ZEB2: variants seen among roughly 807,000 people sequenced by gnomAD.
ZEB2 encodes the protein zinc finger E-box-binding homeobox 2.
ZEB2 carries 6 observed loss-of-function variants against 99.9 expected under a neutral mutation model. That is an observed-to-expected ratio of 0.06 (90% confidence interval 0.03 to 0.12). The LOEUF is 0.12. Among genes scored for constraint, ZEB2 ranks in the 10% least tolerant of loss-of-function variants. The pLI, the probability that ZEB2 is intolerant of heterozygous loss-of-function variation, is 1.00. For missense variants in ZEB2, 969 were observed against 1,502.8 expected, an observed-to-expected ratio of 0.64 and a Z score of 5.87; for synonymous variants, 517 against 542.5, an observed-to-expected ratio of 0.95 and a Z score of 0.65.
At chr2:144,390,313 T>C (rs1271000145) in intron 9 of ZEB2, among the ~76,000 whole-genome samples, 1 of 152,192 alleles carries the variant, frequency 6.6e-6, no homozygotes, top group African/African-American at 2.4e-5. Flanking sequence ...ATTGTCTCAT[T>C]TTAAAACTTG....
At chr2:144,427,272 G>A (rs896998455) in intron 3 of ZEB2, 1 of 152,230 alleles carries the variant, frequency 6.6e-6, no homozygotes, top group Admixed American at 6.5e-5. Flanking sequence ...CCCATTGTGG[G>A]ACGAAAGAAT....
rs10639317 is a variant in ZEB2, at chr2:144,515,797, T to TAGAGAG, written c.73+1475_73+1480dup. On this transcript the variant is annotated intron_variant, in intron 2 of 9. Coordinates refer to ENST00000627532, the MANE Select transcript of ZEB2 (RefSeq NM_014795.4). ...CACACGCGTACACACACACAAAACC[T>TAGAGAG]AGAGAGAGAGAGAGAGAGAGAGAAA... 2.5e-3 allele frequency among the ~76,000 whole-genome samples: 367 copies of TAGAGAG among 146,836 alleles called. 1 individual carries two copies. Among genetic ancestry groups the TAGAGAG allele is most frequent in the African/African-American group, 6.9e-3 (274 of 39,810 alleles).
At chr2:144,482,198 T>C (rs538276100) in intron 2 of ZEB2, 33 of 152,288 alleles carry the variant, frequency 2.2e-4, no homozygotes, top group African/African-American at 7.9e-4. Flanking sequence ...TCCAAATACA[T>C]CTTAAGGTTT....
At chr2:144,477,192 A>G (rs1019609881) in intron 2 of ZEB2, among the ~76,000 whole-genome samples, 3 of 152,218 alleles carry the variant, frequency 2.0e-5, no homozygotes, top group African/African-American at 7.2e-5. Context: ...GTGAGGCTGA[A>G]AAGTGCATGC....
At chr2:144,418,161 T>C (rs1355863092) in intron 4 of ZEB2, among the ~76,000 whole-genome samples, 1 of 152,198 alleles carries the variant, frequency 6.6e-6, no homozygotes, top group African/African-American at 2.4e-5. Context: ...TTCTTAACCT[T>C]CATATTTTAG....
intron 4 of ZEB2, among the ~76,000 whole-genome samples, chr2:144,406,321 A>G (rs1703386420): frequency 6.6e-6 from 1 of 152,238 alleles, no homozygotes; most frequent in African/African-American, 2.4e-5. Context: ...TTCTAGGCTC[A>G]TCCTTCGGGA....
intron 2 of ZEB2, among the ~76,000 whole-genome samples, chr2:144,478,075 C>A (rs1158576006): frequency 6.6e-6 from 1 of 152,162 alleles, no homozygotes; most frequent in Non-Finnish European, 1.5e-5. Context: ...CCACCTGAGA[C>A]AGATTGCGAC....
intron 4 of ZEB2, among the ~76,000 whole-genome samples, chr2:144,422,656 C>T (rs889799383): frequency 1.8e-4 from 28 of 152,140 alleles, no homozygotes; most frequent in Admixed American, 1.2e-3. Context: ...AAAAATTAGC[C>T]GGGCATGGTG....
At chr2:144,406,004 C>A (rs1352723941) in intron 4 of ZEB2, among the ~76,000 whole-genome samples, 1 of 152,146 alleles carries the variant, frequency 6.6e-6, no homozygotes. Context: ...TTTGCTGGTA[C>A]AATTAATGGT....
intron 2 of ZEB2, among the ~76,000 whole-genome samples, chr2:144,432,112 GA>G (rs1041127565): frequency 1.3e-5 from 2 of 151,678 alleles, no homozygotes; most frequent in African/African-American, 4.8e-5. Context: ...TTTTCTTGTG[GA>G]AAAAAAAGAG....
chr2:144,473,389 A>G (rs1422165916), intron 2 of ZEB2, among the ~76,000 whole-genome samples: 2 of 152,148 alleles, frequency 1.3e-5, no homozygotes, highest in Admixed American at 1.3e-4. Context: ...GAAGAGTGCT[A>G]TGTGGTCCTA....
At chr2:144,477,786 TGA>T (rs1456330250) in intron 2 of ZEB2, among the ~76,000 whole-genome samples, 2 of 152,136 alleles carry the variant, frequency 1.3e-5, no homozygotes, top group Non-Finnish European at 2.9e-5. Flanking sequence ...CCATGTAAAA[TGA>T]GAGAGACTTA....
At chr2:144,461,083 A>C (rs1704186812) in intron 2 of ZEB2, 1 of 123,310 alleles carries the variant, frequency 8.1e-6, no homozygotes, top group South Asian at 2.9e-4. Context: ...TGCTATAGTT[A>C]TTTTCTTTTC....
chr2:144,392,162 C>T lies in ZEB2; in HGVS notation c.3068-2134G>A, dbSNP rs1212535022. 3.3e-5 allele frequency among the ~76,000 whole-genome samples: 5 copies of T among 152,180 alleles called. No homozygotes were observed. In the East Asian group the frequency reaches 9.6e-4, roughly 29 times the overall value. On this transcript the variant is annotated intron_variant, in intron 9 of 9. Transcript: ENST00000627532. ...TATAGATGAAAATTTTCTTGATGCTCTAGTTGCTACGGCGTGTATGGGCAA... is the reference window on the plus strand; with the variant it reads ...TATAGATGAAAATTTTCTTGATGCTTTAGTTGCTACGGCGTGTATGGGCAA...
chr2:144,416,654 T>G (rs1020236375), intron 4 of ZEB2, among the ~76,000 whole-genome samples: 4 of 152,242 alleles, frequency 2.6e-5, no homozygotes, highest in African/African-American at 9.6e-5. Flanking sequence ...TTATTGTGGC[T>G]ATCATCTAAA....
At chr2:144,411,118 AT>A (rs2149882626) in intron 4 of ZEB2, among the ~76,000 whole-genome samples, 1 of 42,440 alleles carries the variant, frequency 2.4e-5, no homozygotes, top group African/African-American at 4.4e-5. Context: ...AGGGCATCTC[AT>A]ATATACACAC....
chr2:144,493,061 G>T (rs1704705160), intron 2 of ZEB2, among the ~76,000 whole-genome samples: 1 of 152,112 alleles, frequency 6.6e-6, no homozygotes, highest in Non-Finnish European at 1.5e-5. Context: ...ATAAGAAAAA[G>T]TACCATGTAT....
chr2:144,410,936 A>G (rs892746145), intron 4 of ZEB2, among the ~76,000 whole-genome samples: 1 of 151,048 alleles, frequency 6.6e-6, no homozygotes, highest in Non-Finnish European at 1.5e-5. Context: ...TTGAGTGCCT[A>G]CTAGTGCCAG....
chr2:144,457,007 C>T (rs928841955), intron 2 of ZEB2, among the ~76,000 whole-genome samples: 1 of 152,116 alleles, frequency 6.6e-6, no homozygotes, highest in Non-Finnish European at 1.5e-5. Context: ...CAGAGCAGCA[C>T]CCCCCAAAGG....
Sources: gnomAD v4.1 joint callset for allele counts (sites outside exome capture counted in the v4.1 genomes callset) on GRCh38, gnomAD v4.1.1 for gene constraint, MANE v1.5 for transcripts, NCBI Gene and HGNC (gene_info 2026-07-23, HGNC 2026-07-21) for gene names.